The following CD164 variants were observed in gnomAD, a reference collection of about 807,000 sequenced individuals.
CD164 encodes the protein sialomucin core protein 24.
Under a neutral mutation model 24.6 loss-of-function variants are expected in CD164, and 11 were observed. The observed-to-expected ratio is 0.45, with a 90% CI of 0.28 to 0.74. The LOEUF (loss-of-function observed/expected upper bound fraction) is 0.74. Ranked by LOEUF, CD164 falls within the 30% of genes least tolerant of loss-of-function variation. The probability of loss-of-function intolerance (pLI) is 0.13; values close to 1 mark genes in which losing one functional copy is unlikely to be tolerated. For missense variants in CD164, 295 were observed against 243.7 expected, an observed-to-expected ratio of 1.21 and a Z score of -1.40; for synonymous variants, 126 against 100.3, an observed-to-expected ratio of 1.26 and a Z score of -1.53.
chr6:109,381,749 T>C lies in CD164; in HGVS notation c.175+455A>G, dbSNP rs1395853811. On this transcript the variant is annotated intron_variant, in intron 1 of 5. Transcript: ENST00000310786. ...TCTTTCCCGGACTTCCGGAGAAGGC[T>C]ACCTCCGGAGAGAGGCGCCGGGAGG... is the stretch of plus-strand genomic sequence containing the variant. The C allele has an allele frequency of 1.4e-5, 8 of 586,400 alleles. No homozygotes were observed. The Admixed American group carries it at 2.4e-4, about 17-fold the overall frequency. 36.3% of individuals were successfully genotyped at this position (586,400 alleles called of 1,614,324 possible). A position where few individuals can be genotyped will look rare whatever the true frequency, so the allele number is the denominator to read the frequency against.
At chr6:109,372,073 T>C (rs1771104685) in intron 4 of CD164, 1 of 152,160 alleles carries the variant, frequency 6.6e-6, no homozygotes, top group Non-Finnish European at 1.5e-5. Flanking sequence ...AGTGATATGC[T>C]TAACCCACGA....
chr6:109,370,623 A>G, intron 4 of CD164, 156 bp from the exon 5 acceptor site: 2 of 591,712 alleles, frequency 3.4e-6, no homozygotes, highest in Non-Finnish European at 6.0e-6. Flanking sequence ...TAACATAGCT[A>G]TGCACCCAAG....
intron 4 of CD164, chr6:109,375,855 A>C: frequency 2.0e-6 from 1 of 497,186 alleles, no homozygotes; most frequent in Admixed American, 4.1e-5. Flanking sequence ...ACACAGCCTC[A>C]GCAAATCTGC....
intron 1 of CD164, chr6:109,380,164 G>A (rs1437535088): frequency 6.6e-6 from 1 of 152,238 alleles, no homozygotes; most frequent in Non-Finnish European, 1.5e-5. Flanking sequence ...ATTTCCCAGG[G>A]ATTCTCGATT....
intron 4 of CD164, among the ~76,000 whole-genome samples, chr6:109,375,676 A>T (rs1400870046): frequency 6.6e-6 from 1 of 152,112 alleles, no homozygotes; most frequent in African/African-American, 2.4e-5. Context: ...TTATCGTACA[A>T]TTTCATAAAA....
intron 2 of CD164, 41 bp downstream of exon 2, chr6:109,379,538 A>T (rs971082761): frequency 7.4e-7 from 1 of 1,357,346 alleles, no homozygotes; most frequent in East Asian, 2.3e-5. Flanking sequence ...GTATTTTAAA[A>T]TGCTATAACA....
intron 1 of CD164, 98 bp downstream of exon 1, chr6:109,382,106 C>A (rs972859515): frequency 3.6e-6 from 4 of 1,107,552 alleles, no homozygotes; most frequent in Non-Finnish European, 4.6e-6. Flanking sequence ...CCCGCCCGCC[C>A]GACCGTGGCC....
intron 4 of CD164, chr6:109,375,828 CT>C (rs1462852048): frequency 6.2e-5 from 25 of 404,732 alleles, no homozygotes; most frequent in African/African-American, 4.8e-4. Flanking sequence ...ATAAAAAGTA[CT>C]TTATAGACTC....
At position 109,368,723 on chromosome 6, in the gene CD164, T is replaced by C; in HGVS notation, c.*128A>G. ...ACGGATGATGCTCCCAAACATCCTA[T>C]ATGCATCCATGGAAATTTAAAGATC... On this transcript the variant is annotated 3_prime_UTR_variant, in exon 6 of 6. Transcript: ENST00000310786. 2 of 1,435,842 alleles carry C rather than the reference T, an allele frequency of 1.4e-6. No homozygotes were observed. Among genetic ancestry groups the C allele is most frequent in the South Asian group, 3.2e-5 (2 of 61,962 alleles). The allele number at this position is 1,435,842 out of a possible 1,614,324, so 88.9% of individuals were successfully genotyped here.
chr6:109,368,901 A>G lies in CD164; in HGVS notation c.544T>C (p.Phe182Leu). The G allele has an allele frequency of 6.2e-7, 1 of 1,613,520 alleles. No homozygotes were observed. Residue 182 changes from phenylalanine to leucine, a missense_variant, in exon 6 of 6, where the codon TTT (phenylalanine) becomes CTT (leucine). By Grantham distance (22) the Phe-to-Leu change is conservative. Transcript: ENST00000310786. ...LVLGVQAVIF[F>L]LYKFCKSKER... is the part of the protein sequence containing the mutation. The stretch of plus-strand genomic sequence containing the variant: ...TTAGATTTGCAGAATTTATAAAGAA[A>G]GAAAATTACAGCCTGCACACCCAAG...
At chr6:109,380,772 CAAATT>C (rs1771692025) in intron 1 of CD164, among the ~76,000 whole-genome samples, 1 of 152,136 alleles carries the variant, frequency 6.6e-6, no homozygotes, top group African/African-American at 2.4e-5. Context: ...TACACAAAGA[CAAATT>C]AATTTGATAC....
rs537633785 is a variant in CD164, at chr6:109,379,433, G to A, written c.259+146C>T. The A allele has an allele frequency of 3.8e-4, 208 of 543,622 alleles. 1 individual carries two copies. In the South Asian group the frequency reaches 4.8e-3, roughly 13 times the overall value. 33.7% of individuals were successfully genotyped at this position (543,622 alleles called of 1,614,324 possible). A position where few individuals can be genotyped will look rare whatever the true frequency, so the allele number is the denominator to read the frequency against. Reference sequence around the variant, plus strand: ...AAGAGATTTTCAGGGGGAGTGCGAGGCAACTGGCACTTTAAAGGAGTACTG... The same window carrying A: ...AAGAGATTTTCAGGGGGAGTGCGAGACAACTGGCACTTTAAAGGAGTACTG... On this transcript the variant is annotated intron_variant, in intron 2 of 5. Transcript: ENST00000310786.
At chr6:109,373,415 A>G (rs993617860) in intron 4 of CD164, among the ~76,000 whole-genome samples, 14 of 152,206 alleles carry the variant, frequency 9.2e-5, no homozygotes, top group African/African-American at 1.4e-4. Flanking sequence ...ACATGCCCGG[A>G]AAAGAAACCG....
intron 1 of CD164, chr6:109,381,369 C>CTAAA: frequency 1.6e-6 from 1 of 625,470 alleles, no homozygotes. Flanking sequence ...CCACGACCTA[C>CTAAA]TAAACATACG....
At chr6:109,377,419 G>A (rs761545305) in intron 3 of CD164, among the ~76,000 whole-genome samples, 39 of 152,016 alleles carry the variant, frequency 2.6e-4, no homozygotes, top group African/African-American at 8.9e-4. Context: ...ACGTTTTGCT[G>A]GACGAATAGT....
chr6:109,367,429 T>C lies in CD164; in HGVS notation c.*1422A>G, dbSNP rs528598853. On this transcript the variant is annotated 3_prime_UTR_variant, in exon 6 of 6. Coordinates refer to ENST00000310786, the MANE Select transcript of CD164 (RefSeq NM_006016.6). ...AAAGAAACTAAATAAAAAACGTTAA[T>C]GACCTAGAAAAGCAAAAGCCCATTT... 6.6e-6 allele frequency: 1 copy of C among 152,388 alleles called. No individual in the cohort carries two copies. Among genetic ancestry groups the C allele is most frequent in the Admixed American group, 6.5e-5 (1 of 15,296 alleles). 9.4% of individuals were successfully genotyped at this position (152,388 alleles called of 1,614,324 possible).
At chr6:109,377,995 GACAA>G in intron 2 of CD164, 24 bp from the exon 3 acceptor site, 2 of 1,582,296 alleles carry the variant, frequency 1.3e-6, no homozygotes, top group Non-Finnish European at 8.7e-7. Flanking sequence ...GGGGAAAAGA[GACAA>G]ACAGCATCAA....
intron 4 of CD164, among the ~76,000 whole-genome samples, chr6:109,374,842 A>G (rs1025412596): frequency 6.6e-6 from 1 of 152,082 alleles, no homozygotes; most frequent in African/African-American, 2.4e-5. Context: ...GTGCAGTTTC[A>G]CTACCAAGCT....
intron 2 of CD164, among the ~76,000 whole-genome samples, chr6:109,378,461 A>G (rs1159420982): frequency 6.6e-6 from 1 of 150,884 alleles, no homozygotes; most frequent in African/African-American, 2.4e-5. Context: ...AAAAAGGCGG[A>G]GACAGTAAGT....
Sources: allele counts gnomAD v4.1 joint callset (sites outside exome capture counted in the v4.1 genomes callset), GRCh38; gene constraint gnomAD v4.1.1; transcripts MANE v1.5; gene names NCBI Gene and HGNC (gene_info 2026-07-23, HGNC 2026-07-21).